The following TRPM8 variants were observed in gnomAD, a reference collection of about 807,000 sequenced individuals.
TRPM8 encodes TRPM8 cationic channel.
A neutral mutation model predicts 133.7 loss-of-function variants in TRPM8; 110 were observed. The ratio of observed to expected loss-of-function variants is 0.82; its 90% confidence interval spans 0.70 to 0.96. TRPM8 has a LOEUF of 0.96. Ranked by LOEUF, TRPM8 falls within the 40% of genes least tolerant of loss-of-function variation. The pLI is 0.00. For synonymous variants in TRPM8, 535 were observed against 532.3 expected, an observed-to-expected ratio of 1.01 and a Z score of -0.07; for missense variants, 1,291 against 1,379.5, an observed-to-expected ratio of 0.94 and a Z score of 1.02.
chr2:233,946,921 A>T (rs1247991631), intron 7 of TRPM8, among the ~76,000 whole-genome samples, 167 bp from the exon 8 acceptor site: 3 of 152,230 alleles, frequency 2.0e-5, no homozygotes, highest in African/African-American at 7.2e-5. Flanking sequence ...TGGAGCAAAA[A>T]GACTCATCCG....
intron 11 of TRPM8, among the ~76,000 whole-genome samples, chr2:233,958,310 G>A (rs1160913992): frequency 1.3e-5 from 2 of 152,156 alleles, no homozygotes; most frequent in Non-Finnish European, 2.9e-5. Flanking sequence ...CAATAATCCA[G>A]GTCACATGGC....
intron 2 of TRPM8, among the ~76,000 whole-genome samples, chr2:233,930,316 G>C (rs948214960): frequency 1.3e-5 from 2 of 152,106 alleles, no homozygotes; most frequent in African/African-American, 4.8e-5. Context: ...AGAGGAATGG[G>C]AATCTGCATT....
At chr2:234,014,805 T>G in intron 25 of TRPM8, 151 bp downstream of exon 25, 1 of 429,170 alleles carries the variant, frequency 2.3e-6, no homozygotes, top group Non-Finnish European at 4.1e-6. Flanking sequence ...AATACAGAGA[T>G]AGAGAAAGAA....
chr2:233,923,617 G>A (rs545168983), intron 1 of TRPM8, among the ~76,000 whole-genome samples: 5 of 152,140 alleles, frequency 3.3e-5, no homozygotes, highest in Non-Finnish European at 5.9e-5. Context: ...GGGGTCACAC[G>A]GTGCTGCCAG....
chr2:233,937,217 A>G, intron 3 of TRPM8, 136 bp from the exon 4 acceptor site: 1 of 1,149,334 alleles, frequency 8.7e-7, no homozygotes, highest in South Asian at 1.6e-5. Flanking sequence ...GTTTCTACAC[A>G]ACCAAGATGA....
Position 233,945,855 on chromosome 2 carries a change from G to C in TRPM8, c.700-1G>C. ...AAGACAAGTTTCCCTGTACTTTTCAGGGCTATTTTTTAGCCCAGTACCTTA... is the reference window on the plus strand; with the variant it reads ...AAGACAAGTTTCCCTGTACTTTTCACGGCTATTTTTTAGCCCAGTACCTTA... On this transcript the variant is annotated splice_acceptor_variant, in intron 6 of 25. Coordinates refer to ENST00000324695, the MANE Select transcript of TRPM8 (RefSeq NM_024080.5). LOFTEE classifies it high-confidence loss of function. 6.2e-7 allele frequency: 1 copy of C among 1,609,148 alleles called. No homozygotes were observed. Among genetic ancestry groups the C allele is most frequent in the Non-Finnish European group, 8.5e-7 (1 of 1,176,178 alleles).
At chr2:233,980,932 G>T (rs2125279072) in intron 18 of TRPM8, among the ~76,000 whole-genome samples, 1 of 150,752 alleles carries the variant, frequency 6.6e-6, no homozygotes, top group Middle Eastern at 3.4e-3. Context: ...GCTAGCAACT[G>T]GGCATGGTGG....
At chr2:233,931,273 G>A (rs897021537) in intron 3 of TRPM8, among the ~76,000 whole-genome samples, 2 of 152,224 alleles carry the variant, frequency 1.3e-5, no homozygotes, top group Non-Finnish European at 2.9e-5. Context: ...GAGCAAGTGA[G>A]TGAGTGAATG....
chr2:233,937,083 A>G (rs1690767140), intron 3 of TRPM8, among the ~76,000 whole-genome samples: 2 of 151,842 alleles, frequency 1.3e-5, no homozygotes, highest in African/African-American at 4.8e-5. Flanking sequence ...TTTAGCAGAG[A>G]TGGGGTTTCA....
Position 233,955,272 on chromosome 2 carries a change from G to A in TRPM8, c.1362+22G>A, listed in dbSNP as rs745564631. 4.6e-5 allele frequency: 73 copies of A among 1,585,912 alleles called. No homozygotes were observed. The Admixed American group carries it at 1.1e-3, about 24-fold the overall frequency. On this transcript the variant is annotated intron_variant, in intron 11 of 25. Transcript: ENST00000324695. ...GGAGGTAAGCACGAAGCTCTCCTGG[G>A]TTATTCCAGTGTTGGGTCTGGACAG...
intron 22 of TRPM8, among the ~76,000 whole-genome samples, chr2:233,997,583 G>A (rs1006157492): frequency 6.6e-6 from 1 of 152,104 alleles, no homozygotes; most frequent in Non-Finnish European, 1.5e-5. Context: ...TGATTGTGTG[G>A]GCACTCAGGG....
At chr2:233,950,211 C>T in intron 9 of TRPM8, 65 bp downstream of exon 9, 2 of 1,469,880 alleles carry the variant, frequency 1.4e-6, no homozygotes, top group Non-Finnish European at 9.3e-7. Context: ...AGGGAGAATG[C>T]CTTAAACGCC....
chr2:233,948,156 A>T (rs1428231520), intron 8 of TRPM8, among the ~76,000 whole-genome samples: 1 of 152,226 alleles, frequency 6.6e-6, no homozygotes, highest in Non-Finnish European at 1.5e-5. Context: ...GTGCTGGCAA[A>T]GTTATCTGGA....
intron 22 of TRPM8, among the ~76,000 whole-genome samples, chr2:234,004,262 C>T (rs1409397604): frequency 6.6e-6 from 1 of 152,190 alleles, no homozygotes. Flanking sequence ...TAGGAGACAA[C>T]AGAAGGACAG....
chr2:234,001,463 ACAT>A (rs199724380), intron 22 of TRPM8, among the ~76,000 whole-genome samples: 8 of 102,028 alleles, frequency 7.8e-5, no homozygotes, highest in Non-Finnish European at 1.5e-4. Flanking sequence ...TTAGAAAGGA[ACAT>A]CATTGAGTTC....
intron 22 of TRPM8, among the ~76,000 whole-genome samples, chr2:234,004,696 A>G (rs1409737300): frequency 6.6e-6 from 1 of 152,242 alleles, no homozygotes; most frequent in Non-Finnish European, 1.5e-5. Context: ...AAAGCAATCC[A>G]TATTCATTAT....
Position 233,954,079 on chromosome 2 carries a change from TG to T in TRPM8, c.1243+61del, listed in dbSNP as rs1356478217. 676 of 1,211,206 alleles carry T rather than the reference TG, an allele frequency of 5.6e-4. 2 individuals carry two copies. Among genetic ancestry groups the T allele is most frequent in the Non-Finnish European group, 6.2e-5 (53 of 859,116 alleles). The allele number at this position is 1,211,206 out of a possible 1,614,324, so 75.0% of individuals were successfully genotyped here. Reference sequence around the variant, plus strand: ...TTGTGTTGCCTTCTGTGGCTTTTCATGACTTACATTTCTTTTATAAAACAGC... The same window carrying T: ...TTGTGTTGCCTTCTGTGGCTTTTCATACTTACATTTCTTTTATAAAACAGC... On this transcript the variant is annotated intron_variant, in intron 10 of 25. Transcript: ENST00000324695.
At chr2:233,939,757 C>T (rs531297898) in intron 5 of TRPM8, among the ~76,000 whole-genome samples, 1 of 152,276 alleles carries the variant, frequency 6.6e-6, no homozygotes, top group African/African-American at 2.4e-5. Context: ...TTAACATTTC[C>T]CCACGTTTGT....
chr2:233,924,676 G>T (rs933898130), intron 1 of TRPM8, among the ~76,000 whole-genome samples: 8 of 152,166 alleles, frequency 5.3e-5, no homozygotes, highest in African/African-American at 1.9e-4. Flanking sequence ...CTCTTAAATG[G>T]CTTCCCAATG....
Sources: allele counts gnomAD v4.1 joint callset (sites outside exome capture counted in the v4.1 genomes callset), GRCh38; gene constraint gnomAD v4.1.1; transcripts MANE v1.5; gene names NCBI Gene and HGNC (gene_info 2026-07-23, HGNC 2026-07-21).